The following ANKRD36 variants were observed in gnomAD, a reference collection of about 807,000 sequenced individuals.
ANKRD36 encodes the protein ankyrin repeat domain-containing protein 36A.
A neutral mutation model predicts 278.1 loss-of-function variants in ANKRD36; 179 were observed. The observed-to-expected ratio is 0.64, with a 90% CI of 0.57 to 0.73. The LOEUF is 0.73. Ranked by LOEUF, ANKRD36 falls within the 30% of genes least tolerant of loss-of-function variation. The pLI is 0.00. For missense variants in ANKRD36, 1,159 were observed against 1,956.7 expected (o/e 0.59, Z 7.69); for synonymous variants, 320 against 641.1 (o/e 0.50, Z 7.57).
At chr2:97,182,991 T>G (rs1244666079) in intron 26 of ANKRD36, among the ~76,000 whole-genome samples, 2 of 151,696 alleles carry the variant, frequency 1.3e-5, no homozygotes, top group African/African-American at 4.8e-5. Context: ...AGTGTCATTG[T>G]CATTGTGTAC....
rs1190561067 is a variant in ANKRD36, at chr2:97,189,515, T to A, written c.2245+225T>A. ...GATTATACACTTCCCCACATTGAAATTGGGAAGAAGATACATGGAGAGAGG... is the reference window on the plus strand; with the variant it reads ...GATTATACACTTCCCCACATTGAAAATGGGAAGAAGATACATGGAGAGAGG... On this transcript the variant is annotated intron_variant, in intron 34 of 75. Coordinates refer to ENST00000420699, the MANE Select transcript of ANKRD36 (RefSeq NM_001354587.1). Among the ~76,000 whole-genome samples the A allele has an allele frequency of 2.3e-5, 2 of 87,964 alleles. 1 individual carries two copies. The highest frequency in any genetic ancestry group is 8.0e-5 in the Non-Finnish European group (2 of 25,076). The allele number at this position is 87,964 out of a possible 152,430, so 57.7% of individuals were successfully genotyped here. A position where few individuals can be genotyped will look rare whatever the true frequency, so the allele number is the denominator to read the frequency against.
chr2:97,142,180 G>A (rs1032394080), intron 6 of ANKRD36, among the ~76,000 whole-genome samples: 1 of 152,298 alleles, frequency 6.6e-6, no homozygotes, highest in African/African-American at 2.4e-5. Context: ...TCGTAATTGT[G>A]TACCTTCTCA....
At chr2:97,170,437 A>G (rs771621868) in intron 22 of ANKRD36, among the ~76,000 whole-genome samples, 1 of 152,050 alleles carries the variant, frequency 6.6e-6, no homozygotes, top group Non-Finnish European at 1.5e-5. Flanking sequence ...CAAACCTGAC[A>G]AAAACAAGAA....
At chr2:97,125,710 TATCTA>T (rs1220670664) in intron 5 of ANKRD36, among the ~76,000 whole-genome samples, 1 of 151,684 alleles carries the variant, frequency 6.6e-6, no homozygotes. Flanking sequence ...AGTGATCTGT[TATCTA>T]TAATAATGAA....
At chr2:97,263,106 G>A (rs1254830725) in intron 75 of ANKRD36, among the ~76,000 whole-genome samples, 1 of 131,858 alleles carries the variant, frequency 7.6e-6, no homozygotes, top group Admixed American at 8.2e-5. Flanking sequence ...TTTGGAACTG[G>A]GTAATAGGCA....
Position 97,149,287 on chromosome 2 carries a change from C to G in ANKRD36, c.1035-8C>G, listed in dbSNP as rs1365118792. On this transcript the variant is annotated splice_region_variant and splice_polypyrimidine_tract_variant and intron_variant, in intron 11 of 75. Transcript: ENST00000420699. ...AGCTCATTTTTGTAATATCTTTTTG[C>G]TCTGTAGGAGTCTCTACAGACCTGA... 2 of 1,531,940 alleles carry G rather than the reference C, an allele frequency of 1.3e-6. No individual in the cohort carries two copies. The highest frequency in any genetic ancestry group is 1.7e-6 in the Non-Finnish European group (2 of 1,143,846). The allele number at this position is 1,531,940 out of a possible 1,614,324, so 94.9% of individuals were successfully genotyped here.
chr2:97,184,429 C>T (rs1269556311), intron 28 of ANKRD36, among the ~76,000 whole-genome samples: 1 of 151,544 alleles, frequency 6.6e-6, no homozygotes, highest in African/African-American at 2.4e-5. Flanking sequence ...ATTAAAATAG[C>T]TATTTAGTGA....
intron 44 of ANKRD36, among the ~76,000 whole-genome samples, chr2:97,198,970 A>C (rs1440760753): frequency 9.2e-5 from 14 of 151,866 alleles, no homozygotes; most frequent in Non-Finnish European, 1.5e-4. Context: ...GTAAGGGTGG[A>C]AGGAGAAAGA....
intron 22 of ANKRD36, among the ~76,000 whole-genome samples, chr2:97,177,084 C>G (rs1201660162): frequency 6.6e-6 from 1 of 151,568 alleles, no homozygotes; most frequent in African/African-American, 2.4e-5. Context: ...ACAATTGCTT[C>G]AAAGAGAATA....
intron 38 of ANKRD36, among the ~76,000 whole-genome samples, chr2:97,193,733 C>T (rs2059053475): frequency 6.6e-6 from 1 of 151,630 alleles, no homozygotes; most frequent in South Asian, 2.1e-4. Context: ...ATCAGAGATA[C>T]ATGTTTTGTT....
chr2:97,201,128 A>T (rs1414369632), intron 46 of ANKRD36, among the ~76,000 whole-genome samples: 2 of 151,892 alleles, frequency 1.3e-5, no homozygotes, highest in Non-Finnish European at 2.9e-5. Flanking sequence ...CAACTGCTGG[A>T]AGCAGGAAAC....
intron 51 of ANKRD36, 24 bp downstream of exon 51, chr2:97,205,992 G>A (rs1266133969): frequency 6.5e-7 from 1 of 1,549,708 alleles, no homozygotes. Context: ...CATTTATATT[G>A]TGAACGAGTT....
At chr2:97,159,620 A>AT (rs1245473040) in intron 17 of ANKRD36, among the ~76,000 whole-genome samples, 20 of 151,702 alleles carry the variant, frequency 1.3e-4, no homozygotes, top group Non-Finnish European at 4.4e-5. Context: ...TTAAAGTAAT[A>AT]TTTGGTATAC....
In ANKRD36 at chr2:97,158,131, A is replaced by T. The variant is rs998688020; in HGVS notation, c.1285A>T (p.Asn429Tyr). Reference protein sequence around the residue: ...SENISEPYFTNRRTISQQSAE... With the variant: ...SENISEPYFTYRRTISQQSAE... ...GAATATTTCAGAACCATACTTTACG[A>T]ACAGAAGGACTATTTCTCAACAATC... The change falls in exon 16 of 76, where the codon AAC becomes TAC. Residue 429 changes from asparagine (N) to tyrosine (Y), a missense_variant. Asn to Tyr is a moderately radical substitution (Grantham distance 143). Transcript: ENST00000420699. 7 of 1,515,312 alleles carry T rather than the reference A, an allele frequency of 4.6e-6. No homozygotes were observed. The highest frequency in any genetic ancestry group is 2.8e-5 in the African/African-American group (2 of 72,494). 93.9% of individuals were successfully genotyped at this position (1,515,312 alleles called of 1,614,324 possible).
At position 97,208,360 on chromosome 2, in the gene ANKRD36, G is replaced by C. The variant is rs995163072; in HGVS notation, c.3265+354G>C. Among the ~76,000 whole-genome samples, 9 of 146,566 alleles carry C rather than the reference G, an allele frequency of 6.1e-5. 2 individuals are homozygous for C. Among genetic ancestry groups the C allele is most frequent in the Non-Finnish European group, 1.0e-4 (7 of 67,172 alleles). On this transcript the variant is annotated intron_variant, in intron 54 of 75. Coordinates refer to ENST00000420699, the MANE Select transcript of ANKRD36 (RefSeq NM_001354587.1). ...GTATAGAATTTACACACTTCAGCTC[G>C]TACTGCCAAGAAAAGACAGAAAGCT...
chr2:97,177,502 G>A lies in ANKRD36; in HGVS notation c.1634-2236G>A, dbSNP rs183730159. Among the ~76,000 whole-genome samples the A allele has an allele frequency of 3.5e-3, 537 of 151,834 alleles. 6 individuals are homozygous for A. Among genetic ancestry groups the A allele is most frequent in the African/African-American group, 0.012 (508 of 41,466 alleles). ...GAGCTATAGATCAATGGAACAGAAC[G>A]GAGACCTCAGAAATAATGCTGCATA... On this transcript the variant is annotated intron_variant, in intron 22 of 75. Transcript: ENST00000420699.
At chr2:97,255,946 C>CT (rs1451657537) in intron 75 of ANKRD36, among the ~76,000 whole-genome samples, 1 of 92,102 alleles carries the variant, frequency 1.1e-5, no homozygotes, top group African/African-American at 4.0e-5. Flanking sequence ...AGTATTTCCT[C>CT]TATTTCACTT....
Position 97,118,089 on chromosome 2 carries a change from A to C in ANKRD36, c.223A>C (p.Thr75Pro), listed in dbSNP as rs1320306220. ...GACCGCCCTACATTTGGCCTGTGCC[A>C]CTGGCCAACCGGAAATGGTACATCT... ...ERTALHLACATGQPEMVHLLV... is the reference protein window; with the variant it reads ...ERTALHLACAPGQPEMVHLLV... The change falls in exon 2 of 76, where the codon ACT (threonine) becomes CCT (proline). Residue 75 changes from threonine to proline, a missense_variant. Transcript: ENST00000420699. 6.4e-7 allele frequency: 1 copy of C among 1,556,200 alleles called. No individual in the cohort carries two copies.
chr2:97,122,835 AG>A, intron 3 of ANKRD36, 51 bp from the exon 4 acceptor site: 1 of 1,478,206 alleles, frequency 6.8e-7, no homozygotes, highest in Non-Finnish European at 9.1e-7. Context: ...TTTTCAGTTC[AG>A]TTGATAAATA....
Sources: allele counts gnomAD v4.1 joint callset (sites outside exome capture counted in the v4.1 genomes callset), GRCh38; gene constraint gnomAD v4.1.1; transcripts MANE v1.5; gene names NCBI Gene and HGNC (gene_info 2026-07-23, HGNC 2026-07-21).